The following CEACAM7 variants were observed in gnomAD, a reference collection of about 807,000 sequenced individuals.
CEACAM7 encodes cell adhesion molecule CEACAM7.
A neutral mutation model predicts 25.7 loss-of-function variants in CEACAM7; 24 were observed. The observed-to-expected ratio is 0.93, with a 90% CI of 0.68 to 1.31. The LOEUF (loss-of-function observed/expected upper bound fraction) is 1.31. Among genes scored for constraint, CEACAM7 ranks in the 40% most tolerant of loss-of-function variants. The pLI is 0.00. For missense variants in CEACAM7, 324 were observed against 330.1 expected, an observed-to-expected ratio of 0.98 and a Z score of 0.14; for synonymous variants, 144 against 129.4, an observed-to-expected ratio of 1.11 and a Z score of -0.77.
intron 2 of CEACAM7, among the ~76,000 whole-genome samples, chr19:41,685,960 T>C (rs1377588926): frequency 4.6e-5 from 7 of 152,174 alleles, no homozygotes; most frequent in Non-Finnish European, 4.4e-5. Flanking sequence ...TCCTTCTGCC[T>C]CAGTTTCCTT....
At chr19:41,679,274 C>A (rs1640395270) in intron 3 of CEACAM7, among the ~76,000 whole-genome samples, 1 of 152,054 alleles carries the variant, frequency 6.6e-6, no homozygotes, top group South Asian at 2.1e-4. Context: ...TTCCCAGAAA[C>A]ATAAAACCTT....
At chr19:41,687,340 T>C in intron 1 of CEACAM7, 119 bp from the exon 2 acceptor site, 1 of 953,306 alleles carries the variant, frequency 1.0e-6, no homozygotes, top group South Asian at 1.8e-5. Flanking sequence ...AGTGTGTGTG[T>C]GTGTGTGTGT....
chr19:41,687,195 G>C lies in CEACAM7; in HGVS notation c.91C>G (p.Pro31Ala). 6.2e-7 allele frequency: 1 copy of C among 1,609,122 alleles called. No homozygotes were observed. Reference sequence around the variant, plus strand: ...TCAATATTGGTCTGGGCACTGTTTGGCAGGTTCCAGAAGGTTAAAAGCGAG... The same window carrying C: ...TCAATATTGGTCTGGGCACTGTTTGCCAGGTTCCAGAAGGTTAAAAGCGAG... ...TASLLTFWNLPNSAQTNIDVV... is the reference protein window; with the variant it reads ...TASLLTFWNLANSAQTNIDVV... The change falls in exon 2 of 5, where the codon CCA becomes GCA. Residue 31 changes from proline to alanine, a missense_variant. By Grantham distance (27) the Pro-to-Ala change is conservative. Coordinates refer to ENST00000401731, the MANE Select transcript of CEACAM7 (RefSeq NM_001291485.2).
At chr19:41,684,832 A>G (rs1000582906) in intron 2 of CEACAM7, among the ~76,000 whole-genome samples, 2 of 152,246 alleles carry the variant, frequency 1.3e-5, no homozygotes, top group African/African-American at 4.8e-5. Flanking sequence ...GCTCCTGTGC[A>G]GTCAGCAAAA....
At chr19:41,684,311 G>A (rs1326983632) in intron 2 of CEACAM7, among the ~76,000 whole-genome samples, 3 of 152,182 alleles carry the variant, frequency 2.0e-5, no homozygotes, top group Admixed American at 6.5e-5. Flanking sequence ...GTTGGCCCAT[G>A]GACAGACCCA....
chr19:41,685,418 G>C (rs1470306727), intron 2 of CEACAM7, among the ~76,000 whole-genome samples: 11 of 152,240 alleles, frequency 7.2e-5, no homozygotes, highest in African/African-American at 2.6e-4. Flanking sequence ...TGGCTTTAGG[G>C]GCAGGGGATG....
chr19:41,685,271 A>G (rs1307290158), intron 2 of CEACAM7, among the ~76,000 whole-genome samples: 1 of 152,048 alleles, frequency 6.6e-6, no homozygotes, highest in Non-Finnish European at 1.5e-5. Context: ...CCCATGGCCA[A>G]GCATTTACAC....
At chr19:41,681,152 A>G (rs186805936) in intron 3 of CEACAM7, among the ~76,000 whole-genome samples, 19 of 152,378 alleles carry the variant, frequency 1.2e-4, no homozygotes, top group Admixed American at 1.2e-3. Flanking sequence ...CAAATGGCCA[A>G]TAAGCACATG....
chr19:41,673,760 G>A lies in CEACAM7; in HGVS notation c.*1016C>T, dbSNP rs1422803207. 2 of 152,218 alleles carry A rather than the reference G, an allele frequency of 1.3e-5. No homozygotes were observed. Among genetic ancestry groups the A allele is most frequent in the African/African-American group, 4.8e-5 (2 of 41,450 alleles). 9.4% of individuals were successfully genotyped at this position (152,218 alleles called of 1,614,324 possible). On this transcript the variant is annotated 3_prime_UTR_variant, in exon 5 of 5. Transcript: ENST00000401731. The stretch of plus-strand genomic sequence containing the variant: ...TGGACTTCCATCATTCATAGGTTAT[G>A]ATGTCCTCCTAATCATACATTTATT...
intron 3 of CEACAM7, among the ~76,000 whole-genome samples, chr19:41,682,668 G>A (rs1224187495): frequency 6.6e-6 from 1 of 152,332 alleles, no homozygotes; most frequent in South Asian, 2.1e-4. Flanking sequence ...CAGGTGAGCC[G>A]GAAGCAGAGC....
chr19:41,674,669 G>GA lies in CEACAM7; in HGVS notation c.*106dup. On this transcript the variant is annotated 3_prime_UTR_variant, in exon 5 of 5. Transcript: ENST00000401731. ...TCCAGCTTATAGGTCTTCAGGAAGA[G>GA]AGCAGGTCTTATACTTAGTGATGCC... 3.0e-6 allele frequency: 1 copy of GA among 332,734 alleles called. No homozygotes were observed. The highest frequency in any genetic ancestry group is 6.0e-6 in the Non-Finnish European group (1 of 167,362). 20.6% of individuals were successfully genotyped at this position (332,734 alleles called of 1,614,324 possible). A position where few individuals can be genotyped will look rare whatever the true frequency, so the allele number is the denominator to read the frequency against.
At chr19:41,682,038 T>G (rs1555810742) in intron 3 of CEACAM7, among the ~76,000 whole-genome samples, 1 of 152,190 alleles carries the variant, frequency 6.6e-6, no homozygotes, top group Non-Finnish European at 1.5e-5. Flanking sequence ...CTCGACATTC[T>G]GGGCTGAAGT....
chr19:41,677,806 T>A (rs1333061396), intron 3 of CEACAM7, among the ~76,000 whole-genome samples: 1 of 152,182 alleles, frequency 6.6e-6, no homozygotes, highest in African/African-American at 2.4e-5. Flanking sequence ...CATTAAAACT[T>A]CCCACTTTTT....
At chr19:41,680,275 G>C (rs2072162052) in intron 3 of CEACAM7, among the ~76,000 whole-genome samples, 1 of 151,922 alleles carries the variant, frequency 6.6e-6, no homozygotes, top group Non-Finnish European at 1.5e-5. Flanking sequence ...ATAAAATGCA[G>C]CTGAAAGAAA....
intron 1 of CEACAM7, 33 bp from the exon 2 acceptor site, chr19:41,687,254 G>A: frequency 6.4e-7 from 1 of 1,553,140 alleles, no homozygotes; most frequent in Non-Finnish European, 8.7e-7. Context: ...GTCAATATTG[G>A]GACCTATGTA....
Position 41,677,407 on chromosome 19 carries a change from G to A in CEACAM7, c.*5C>T, listed in dbSNP as rs73545145. On this transcript the variant is annotated 3_prime_UTR_variant, in exon 4 of 5. Coordinates refer to ENST00000401731, the MANE Select transcript of CEACAM7 (RefSeq NM_001291485.2). The stretch of plus-strand genomic sequence containing the variant: ...TCCCGAAATGCAGAAACTACACCAA[G>A]GCTGCTATATCAGAGCCATCCCAGC... 3,447 of 1,607,446 alleles carry A rather than the reference G, an allele frequency of 2.1e-3. 68 individuals carry two copies. In the African/African-American group the frequency reaches 0.04, roughly 19 times the overall value.
intron 4 of CEACAM7, among the ~76,000 whole-genome samples, chr19:41,675,233 T>G (rs1396470713): frequency 1.3e-5 from 2 of 152,210 alleles, no homozygotes; most frequent in African/African-American, 4.8e-5. Flanking sequence ...CATAACAATG[T>G]GAACACCCAT....
intron 4 of CEACAM7, among the ~76,000 whole-genome samples, chr19:41,674,956 C>A (rs937207481): frequency 7.2e-5 from 11 of 152,090 alleles, no homozygotes; most frequent in African/African-American, 2.7e-4. Flanking sequence ...TAGCGATTGA[C>A]CACATAGCAT....
chr19:41,687,502 C>T (rs1555811371), intron 1 of CEACAM7, among the ~76,000 whole-genome samples: 1 of 152,246 alleles, frequency 6.6e-6, no homozygotes, highest in African/African-American at 2.4e-5. Context: ...GACCCCTTCC[C>T]TGACACCTTC....
Sources: gnomAD v4.1 joint callset for allele counts (sites outside exome capture counted in the v4.1 genomes callset) on GRCh38, gnomAD v4.1.1 for gene constraint, MANE v1.5 for transcripts, NCBI Gene and HGNC (gene_info 2026-07-23, HGNC 2026-07-21) for gene names.